DHX30: variants seen among roughly 807,000 people sequenced by gnomAD.
The protein encoded by DHX30 is DExH-box helicase 30.
DHX30 carries 4 observed loss-of-function variants against 116.9 expected under a neutral mutation model. That is an observed-to-expected ratio of 0.03 (90% CI 0.02 to 0.08). The LOEUF is 0.08. DHX30 is among the 10% of genes least tolerant of loss of function. The pLI is 1.00. For missense variants in DHX30, 871 were observed against 1,595.1 expected (o/e 0.55, Z 7.73); for synonymous variants, 697 against 651.7 (o/e 1.07, Z -1.06).
Position 47,841,773 on chromosome 3 carries a change from G to A in DHX30, c.789+36G>A, listed in dbSNP as rs371753507. 2.6e-5 allele frequency: 42 copies of A among 1,613,706 alleles called. 2 individuals are homozygous for A. The Admixed American group carries it at 2.7e-4, about 10-fold the overall frequency. On this transcript the variant is annotated intron_variant, in intron 8 of 21. Coordinates refer to ENST00000445061, the MANE Select transcript of DHX30 (RefSeq NM_138615.3). ...TCTCCTAGAAGTTTGTGTGGGGGCCGTTTACTTGGTCATGTCTGGTGTTCC... is the reference window on the plus strand; with the variant it reads ...TCTCCTAGAAGTTTGTGTGGGGGCCATTTACTTGGTCATGTCTGGTGTTCC...
intron 4 of DHX30, among the ~76,000 whole-genome samples, chr3:47,824,478 G>T (rs1050173226): frequency 6.6e-5 from 10 of 152,090 alleles, no homozygotes; most frequent in Non-Finnish European, 1.3e-4. Context: ...TTTTAATAGA[G>T]TTGGGGTTTC....
At chr3:47,828,764 G>A (rs575745497) in intron 5 of DHX30, among the ~76,000 whole-genome samples, 1 of 152,170 alleles carries the variant, frequency 6.6e-6, no homozygotes, top group South Asian at 2.1e-4. Context: ...TCCCGGCTTG[G>A]CCTCTGGCTA....
In DHX30 at chr3:47,846,528, G is replaced by A. The variant is rs1559720683; in HGVS notation, c.1456G>A (p.Val486Ile). The A allele has an allele frequency of 6.2e-7, 1 of 1,614,096 alleles. No individual in the cohort carries two copies. Among genetic ancestry groups the A allele is most frequent in the Non-Finnish European group, 8.5e-7 (1 of 1,180,042 alleles). Reference sequence around the variant, plus strand: ...CGAGGGCCGAGGTGCCCGCTGCAATGTTATCATCACCCAACCTCGCCGCAT... The same window carrying A: ...CGAGGGCCGAGGTGCCCGCTGCAATATTATCATCACCCAACCTCGCCGCAT... ...VTEGRGARCN[V>I]IITQPRRISA... The change falls in exon 11 of 22, where the codon GTT becomes ATT. Residue 486 changes from valine to isoleucine, a missense_variant. Coordinates refer to ENST00000445061, the MANE Select transcript of DHX30 (RefSeq NM_138615.3).
intron 4 of DHX30, among the ~76,000 whole-genome samples, chr3:47,823,996 CTTTTTT>C (rs759550719): frequency 7.0e-5 from 7 of 100,368 alleles, no homozygotes; most frequent in African/African-American, 1.2e-4. Context: ...TTTTCTTTTC[CTTTTTT>C]TTTTTTTTTT....
intron 3 of DHX30, among the ~76,000 whole-genome samples, chr3:47,817,657 G>A (rs2036117792): frequency 6.6e-6 from 1 of 152,136 alleles, no homozygotes; most frequent in African/African-American, 2.4e-5. Flanking sequence ...GCAGACACGT[G>A]GTGCTTTTGA....
chr3:47,835,667 C>T (rs1368610651), intron 6 of DHX30, among the ~76,000 whole-genome samples: 3 of 152,186 alleles, frequency 2.0e-5, no homozygotes, highest in African/African-American at 7.2e-5. Context: ...GTCTCAAACT[C>T]CTGACCTCAG....
chr3:47,829,138 A>T lies in DHX30; in HGVS notation c.366+4A>T. 6.6e-7 allele frequency: 1 copy of T among 1,525,268 alleles called. No individual in the cohort carries two copies. The allele number at this position is 1,525,268 out of a possible 1,614,324, so 94.5% of individuals were successfully genotyped here. ...TGCAGCCTGCCAGCTGTTCAAGGTG[A>T]CCCTTCCTCAGTGAAAGCCACTGAG... On this transcript the variant is annotated splice_donor_region_variant and intron_variant, in intron 6 of 21. Transcript: ENST00000445061.
chr3:47,831,368 C>T (rs1311712065), intron 6 of DHX30, among the ~76,000 whole-genome samples: 2 of 152,090 alleles, frequency 1.3e-5, no homozygotes, highest in Non-Finnish European at 2.9e-5. Context: ...AGATCTGCCC[C>T]CATGACCCAA....
chr3:47,804,004 AC>A (rs2106916594), intron 1 of DHX30, among the ~76,000 whole-genome samples: 1 of 152,326 alleles, frequency 6.6e-6, no homozygotes, highest in South Asian at 2.1e-4. Context: ...CAGGCTTTCA[AC>A]CTGGTTTTAG....
At chr3:47,835,618 T>C (rs1322858245) in intron 6 of DHX30, among the ~76,000 whole-genome samples, 1 of 151,964 alleles carries the variant, frequency 6.6e-6, no homozygotes, top group Non-Finnish European at 1.5e-5. Context: ...TTTTTTGTAC[T>C]TTTAGTAGAG....
chr3:47,826,443 T>C (rs1055842469), intron 4 of DHX30, among the ~76,000 whole-genome samples: 2 of 151,092 alleles, frequency 1.3e-5, no homozygotes, highest in East Asian at 3.9e-4. Context: ...AGGTTTTCTT[T>C]CTTTTTTTTT....
intron 10 of DHX30, 83 bp from the exon 11 acceptor site, chr3:47,846,082 C>A: frequency 6.7e-7 from 1 of 1,489,502 alleles, no homozygotes; most frequent in Non-Finnish European, 9.1e-7. Flanking sequence ...AACATCTGAC[C>A]CAGGCGAATC....
At chr3:47,833,075 G>A (rs963268923) in intron 6 of DHX30, among the ~76,000 whole-genome samples, 4 of 151,736 alleles carry the variant, frequency 2.6e-5, no homozygotes, top group Non-Finnish European at 5.9e-5. Context: ...GTGAGTCACG[G>A]CTCCTGGCAT....
intron 4 of DHX30, among the ~76,000 whole-genome samples, chr3:47,820,635 A>G (rs1448923069): frequency 2.0e-5 from 3 of 152,038 alleles, no homozygotes; most frequent in Admixed American, 6.6e-5. Flanking sequence ...GGGGCCTCCA[A>G]AGTATAGGTT....
intron 4 of DHX30, among the ~76,000 whole-genome samples, chr3:47,819,034 C>T (rs1246760760): frequency 6.6e-6 from 1 of 152,140 alleles, no homozygotes; most frequent in Non-Finnish European, 1.5e-5. Context: ...TTCTGCAGCC[C>T]ATGCTGCTGC....
At chr3:47,841,586 AT>A in intron 7 of DHX30, 30 bp from the exon 8 acceptor site, 1 of 1,613,962 alleles carries the variant, frequency 6.2e-7, no homozygotes, top group South Asian at 1.1e-5. Flanking sequence ...GGAAGAGAGA[AT>A]TCTTTCAGTT....
chr3:47,849,090 C>T lies in DHX30; in HGVS notation c.2929+11C>T. 3 of 1,609,880 alleles carry T rather than the reference C, an allele frequency of 1.9e-6. No individual in the cohort carries two copies. The highest frequency in any genetic ancestry group is 1.1e-5 in the South Asian group (1 of 90,746). ...TGCGCTTCATCCACGGTCAGTCGGG[C>T]CCACACCTGCTCTCCTGAGCCCCTC... On this transcript the variant is annotated intron_variant, in intron 18 of 21. Transcript: ENST00000445061.
At position 47,832,746 on chromosome 3, in the gene DHX30, C is replaced by G. The variant is rs527930755; in HGVS notation, c.366+3612C>G. ...CTGGCTCCCGGGCTCAAGTGATCCTCCCACCTCAGCCTCCCAAGTAGCTGG... is the reference window on the plus strand; with the variant it reads ...CTGGCTCCCGGGCTCAAGTGATCCTGCCACCTCAGCCTCCCAAGTAGCTGG... On this transcript the variant is annotated intron_variant, in intron 6 of 21. Coordinates refer to ENST00000445061, the MANE Select transcript of DHX30 (RefSeq NM_138615.3). Among the ~76,000 whole-genome samples the G allele has an allele frequency of 3.2e-4, 48 of 151,994 alleles. No individual in the cohort carries two copies. In the South Asian group the frequency reaches 9.8e-3, roughly 31 times the overall value.
chr3:47,834,179 C>T (rs1437426616), intron 6 of DHX30, among the ~76,000 whole-genome samples: 1 of 152,182 alleles, frequency 6.6e-6, no homozygotes, highest in Non-Finnish European at 1.5e-5. Flanking sequence ...TCTTGGCTCA[C>T]TGCAACCTCC....
Sources: allele counts gnomAD v4.1 joint callset (sites outside exome capture counted in the v4.1 genomes callset), GRCh38; gene constraint gnomAD v4.1.1; transcripts MANE v1.5; gene names NCBI Gene and HGNC (gene_info 2026-07-23, HGNC 2026-07-21).